The following TRAF3 variants were observed in gnomAD, a reference collection of about 807,000 sequenced individuals.
TRAF3 encodes TNF receptor associated factor 3.
A neutral mutation model predicts 62.3 loss-of-function variants in TRAF3; 13 were observed. The ratio of observed to expected loss-of-function variants is 0.21; its 90% confidence interval spans 0.14 to 0.33. The LOEUF (loss-of-function observed/expected upper bound fraction) is 0.33. TRAF3 is among the 10% of genes least tolerant of loss of function. The pLI is 1.00. For synonymous variants in TRAF3, 269 were observed against 283.4 expected (o/e 0.95, Z 0.51); for missense variants, 440 against 741.8 (o/e 0.59, Z 4.73).
In TRAF3 at chr14:102,799,151, A is replaced by AT. The variant is rs1008655050; in HGVS notation, c.-157+21478dup. Among the ~76,000 whole-genome samples, 5 of 152,110 alleles carry AT rather than the reference A, an allele frequency of 3.3e-5. 1 individual carries two copies. The highest frequency in any genetic ancestry group is 2.0e-4 in the Admixed American group (3 of 15,284). On this transcript the variant is annotated intron_variant, in intron 1 of 11. Transcript: ENST00000392745. ...GCTGATTTGGACTACTGAAAGCAGA[A>AT]TTAAGAGTCTGGTGGCATTGGGGGG...
intron 1 of TRAF3, among the ~76,000 whole-genome samples, chr14:102,800,754 G>T (rs534164672): frequency 1.1e-4 from 16 of 144,596 alleles, no homozygotes; most frequent in Middle Eastern, 3.5e-3. Flanking sequence ...TAGAATCAGT[G>T]GTGTGATCAA....
At chr14:102,783,446 T>C (rs1372859933) in intron 1 of TRAF3, among the ~76,000 whole-genome samples, 2 of 152,204 alleles carry the variant, frequency 1.3e-5, no homozygotes, top group Non-Finnish European at 2.9e-5. Flanking sequence ...CCAGAAATTA[T>C]AACTTTATGC....
chr14:102,857,129 C>T (rs7152236), intron 2 of TRAF3, among the ~76,000 whole-genome samples: 3,410 of 152,218 alleles, frequency 0.022, 135 homozygotes, highest in African/African-American at 0.079. Flanking sequence ...GGTTGCTAGC[C>T]GACTCCAGTA....
chr14:102,867,243 G>GC (rs1242240877), intron 2 of TRAF3, among the ~76,000 whole-genome samples: 2 of 152,158 alleles, frequency 1.3e-5, no homozygotes, highest in Non-Finnish European at 2.9e-5. Flanking sequence ...TCTGTTACGG[G>GC]CAAGAGAGTA....
chr14:102,849,775 G>A (rs1236490785), intron 2 of TRAF3, among the ~76,000 whole-genome samples: 17 of 152,228 alleles, frequency 1.1e-4, no homozygotes, highest in Admixed American at 1.0e-3. Flanking sequence ...GAGTCAGTAT[G>A]CTGAAATGTT....
At chr14:102,885,839 A>G (rs1889349340) in intron 6 of TRAF3, among the ~76,000 whole-genome samples, 1 of 152,176 alleles carries the variant, frequency 6.6e-6, no homozygotes, top group Non-Finnish European at 1.5e-5. Flanking sequence ...GTGAGTGGCC[A>G]TGCCTGCCTG....
At chr14:102,801,067 G>A (rs1055655343) in intron 1 of TRAF3, among the ~76,000 whole-genome samples, 4 of 152,170 alleles carry the variant, frequency 2.6e-5, no homozygotes, top group Non-Finnish European at 4.4e-5. Context: ...TCGGGAGGCT[G>A]AGGCAGGAGA....
intron 2 of TRAF3, among the ~76,000 whole-genome samples, chr14:102,832,903 T>A (rs1170127019): frequency 3.3e-5 from 5 of 152,234 alleles, no homozygotes; most frequent in African/African-American, 1.2e-4. Context: ...TTGATTTTTC[T>A]TACTGCATTT....
intron 9 of TRAF3, among the ~76,000 whole-genome samples, chr14:102,896,477 GA>G (rs1890014882): frequency 6.6e-6 from 1 of 151,950 alleles, no homozygotes; most frequent in Non-Finnish European, 1.5e-5. Flanking sequence ...AAATGAAATG[GA>G]ATAAAAAAAA....
At chr14:102,803,749 G>A (rs1187214354) in intron 1 of TRAF3, among the ~76,000 whole-genome samples, 1 of 152,096 alleles carries the variant, frequency 6.6e-6, no homozygotes, top group Admixed American at 6.5e-5. Context: ...GGAGCTGGTG[G>A]CCGGCTCTGC....
intron 2 of TRAF3, among the ~76,000 whole-genome samples, chr14:102,866,512 T>A (rs980248629): frequency 1.3e-5 from 2 of 152,046 alleles, no homozygotes; most frequent in Middle Eastern, 3.4e-3. Context: ...AGATGGGGAA[T>A]CTCCCCAAAT....
At chr14:102,868,547 CT>C (rs1412883423) in intron 2 of TRAF3, among the ~76,000 whole-genome samples, 1 of 152,218 alleles carries the variant, frequency 6.6e-6, no homozygotes, top group East Asian at 1.9e-4. Flanking sequence ...TGGGCAAAAA[CT>C]TTTCCAAGAA....
intron 1 of TRAF3, among the ~76,000 whole-genome samples, chr14:102,784,526 G>A (rs973945559): frequency 2.6e-5 from 4 of 152,134 alleles, no homozygotes; most frequent in Non-Finnish European, 5.9e-5. Context: ...CCCCTCTGAT[G>A]CTTGGCTTCT....
At chr14:102,780,468 G>A (rs1050333462) in intron 1 of TRAF3, among the ~76,000 whole-genome samples, 7 of 151,638 alleles carry the variant, frequency 4.6e-5, no homozygotes, top group African/African-American at 1.5e-4. Context: ...GGGGTGGGGA[G>A]ACAGACCACC....
chr14:102,834,687 CA>C (rs35056615), intron 2 of TRAF3, among the ~76,000 whole-genome samples: 63 of 54,272 alleles, frequency 1.2e-3, no homozygotes, highest in Admixed American at 2.9e-3. Context: ...GACTCCGTCT[CA>C]AAAAAAAAAA....
chr14:102,905,403 C>T lies in TRAF3; in HGVS notation c.1326C>T (p.Ser442=). ...TGGGGAAGACCCTGTCCCTTTACAG[C>T]CAGCCTTTCTACACTGGTTACTTTG... ...AVMGKTLSLY[S]QPFYTGYFGY... Residue 442 remains serine (S), a synonymous_variant, in exon 12 of 12, where the codon AGC becomes AGT. Coordinates refer to ENST00000392745, the MANE Select transcript of TRAF3 (RefSeq NM_145725.3). 6.2e-7 allele frequency: 1 copy of T among 1,614,274 alleles called. No homozygotes were observed. Among genetic ancestry groups the T allele is most frequent in the Non-Finnish European group, 8.5e-7 (1 of 1,180,054 alleles).
intron 4 of TRAF3, 79 bp downstream of exon 4, chr14:102,872,047 C>T (rs1047432292): frequency 1.4e-6 from 2 of 1,451,192 alleles, no homozygotes; most frequent in African/African-American, 1.4e-5. Context: ...GCATTCGGCA[C>T]TCTGGCACAA....
Position 102,835,183 on chromosome 14 carries a change from A to G in TRAF3, c.-18+4711A>G, listed in dbSNP as rs139726725. Among the ~76,000 whole-genome samples, 8 of 152,370 alleles carry G rather than the reference A, an allele frequency of 5.3e-5. No homozygotes were observed. The East Asian group carries it at 1.3e-3, about 26-fold the overall frequency. The stretch of plus-strand genomic sequence containing the variant: ...AAATCACTGACCATTAGAGAAATGC[A>G]AATCAAAACCACAGTGAGATAGCAT... On this transcript the variant is annotated intron_variant, in intron 2 of 11. Coordinates refer to ENST00000392745, the MANE Select transcript of TRAF3 (RefSeq NM_145725.3).
At chr14:102,828,067 C>T (rs998599163) in intron 1 of TRAF3, among the ~76,000 whole-genome samples, 4 of 152,252 alleles carry the variant, frequency 2.6e-5, no homozygotes, top group Admixed American at 2.0e-4. Flanking sequence ...CCACCCCGCA[C>T]GGCCAGTTGT....
Sources: allele counts gnomAD v4.1 joint callset (sites outside exome capture counted in the v4.1 genomes callset), GRCh38; gene constraint gnomAD v4.1.1; transcripts MANE v1.5; gene names NCBI Gene and HGNC (gene_info 2026-07-23, HGNC 2026-07-21).